The following ARSB variants were observed in gnomAD, a reference collection of about 807,000 sequenced individuals.
ARSB encodes N-acetylgalactosamine-4-sulfatase.
A neutral mutation model predicts 50.9 loss-of-function variants in ARSB; 41 were observed. That is an observed-to-expected ratio of 0.81 (90% CI 0.63 to 1.04). The LOEUF is 1.04. Ranked by LOEUF, ARSB falls within the 50% of genes least tolerant of loss-of-function variation. The pLI is 0.00. For missense variants in ARSB, 672 were observed against 693.3 expected, an observed-to-expected ratio of 0.97 and a Z score of 0.35; for synonymous variants, 269 against 284.8, an observed-to-expected ratio of 0.94 and a Z score of 0.56.
At chr5:78,981,455 G>C (rs1421530720) in intron 1 of ARSB, among the ~76,000 whole-genome samples, 1 of 152,216 alleles carries the variant, frequency 6.6e-6, no homozygotes, top group Non-Finnish European at 1.5e-5. Flanking sequence ...AGAACAAGTA[G>C]TACACGCAAT....
chr5:78,961,760 G>A (rs567085811), intron 3 of ARSB, among the ~76,000 whole-genome samples: 1 of 152,014 alleles, frequency 6.6e-6, no homozygotes, highest in East Asian at 1.9e-4. Context: ...ATAGGTAGCT[G>A]GCTTCTGCTT....
intron 4 of ARSB, among the ~76,000 whole-genome samples, chr5:78,940,066 T>C (rs1288435122): frequency 6.6e-6 from 1 of 152,268 alleles, no homozygotes; most frequent in East Asian, 1.9e-4. Flanking sequence ...GTCTTTTGGC[T>C]GCATAAATGT....
At chr5:78,966,683 C>G (rs1752217834) in intron 2 of ARSB, among the ~76,000 whole-genome samples, 2 of 152,132 alleles carry the variant, frequency 1.3e-5, no homozygotes, top group South Asian at 4.1e-4. Flanking sequence ...TCATTTCTAC[C>G]TTCTGTCCAG....
chr5:78,854,109 C>T (rs1028807946), intron 5 of ARSB, among the ~76,000 whole-genome samples: 2 of 152,244 alleles, frequency 1.3e-5, no homozygotes, highest in South Asian at 2.1e-4. Flanking sequence ...GAGATGAATC[C>T]GGTACCTCAG....
At chr5:78,873,774 C>T (rs540198046) in intron 5 of ARSB, among the ~76,000 whole-genome samples, 27 of 152,118 alleles carry the variant, frequency 1.8e-4, no homozygotes, top group Non-Finnish European at 2.8e-4. Context: ...GGATTACAGG[C>T]GTGAGCCACC....
At chr5:78,855,468 T>C (rs1284859223) in intron 5 of ARSB, among the ~76,000 whole-genome samples, 3 of 152,122 alleles carry the variant, frequency 2.0e-5, no homozygotes, top group Non-Finnish European at 1.5e-5. Flanking sequence ...CACAAAACAG[T>C]TGCTCGACTT....
chr5:78,954,888 T>C (rs1419901229), intron 4 of ARSB, among the ~76,000 whole-genome samples: 8 of 152,232 alleles, frequency 5.3e-5, no homozygotes, highest in South Asian at 2.1e-4. Context: ...GTCTTCATAA[T>C]GTCACAATCT....
chr5:78,929,513 C>G (rs1327158995), intron 4 of ARSB, among the ~76,000 whole-genome samples: 1 of 151,996 alleles, frequency 6.6e-6, no homozygotes, highest in Non-Finnish European at 1.5e-5. Flanking sequence ...GAGACTGGCC[C>G]GGCGCAGTGG....
At chr5:78,984,899 G>C in intron 1 of ARSB, 38 bp downstream of exon 1, 3 of 1,277,360 alleles carry the variant, frequency 2.3e-6, no homozygotes, top group Non-Finnish European at 3.0e-6. Flanking sequence ...GGCGAAAGGC[G>C]GGGCGGGGGC....
At chr5:78,961,820 C>T (rs1751997416) in intron 3 of ARSB, among the ~76,000 whole-genome samples, 2 of 152,098 alleles carry the variant, frequency 1.3e-5, no homozygotes, top group Admixed American at 6.5e-5. Flanking sequence ...CCGAGAATGG[C>T]TGTCACTGCA....
At chr5:78,826,805 A>G (rs1744450206) in intron 6 of ARSB, among the ~76,000 whole-genome samples, 2 of 152,218 alleles carry the variant, frequency 1.3e-5, no homozygotes, top group African/African-American at 2.4e-5. Context: ...CCCCAAAATA[A>G]GTGAGAGAGA....
At chr5:78,916,680 A>G (rs1749559754) in intron 4 of ARSB, among the ~76,000 whole-genome samples, 1 of 152,194 alleles carries the variant, frequency 6.6e-6, no homozygotes, top group African/African-American at 2.4e-5. Context: ...ATCATTTATC[A>G]TGTCCTAAAA....
At chr5:78,838,210 C>T (rs1382021502) in intron 6 of ARSB, among the ~76,000 whole-genome samples, 1 of 152,154 alleles carries the variant, frequency 6.6e-6, no homozygotes, top group Non-Finnish European at 1.5e-5. Context: ...AGTGACTGCT[C>T]CTTCTGGGGC....
At chr5:78,838,879 C>T (rs757900155) in intron 6 of ARSB, among the ~76,000 whole-genome samples, 4 of 152,216 alleles carry the variant, frequency 2.6e-5, no homozygotes, top group African/African-American at 4.8e-5. Flanking sequence ...GAAAGTCACA[C>T]TTGTGACACC....
intron 5 of ARSB, among the ~76,000 whole-genome samples, chr5:78,847,049 T>C (rs1230245007): frequency 6.6e-6 from 1 of 152,212 alleles, no homozygotes; most frequent in African/African-American, 2.4e-5. Flanking sequence ...TAATGTGTCA[T>C]GTTTATGGAT....
At chr5:78,869,185 G>C (rs1273323396) in intron 5 of ARSB, among the ~76,000 whole-genome samples, 3 of 126,220 alleles carry the variant, frequency 2.4e-5, no homozygotes, top group Admixed American at 7.9e-5. Flanking sequence ...GACCTACAAA[G>C]AGACTTAGAC....
intron 4 of ARSB, among the ~76,000 whole-genome samples, chr5:78,939,815 T>C (rs1440750936): frequency 6.6e-6 from 1 of 152,146 alleles, no homozygotes; most frequent in East Asian, 1.9e-4. Context: ...GATGGCTGGG[T>C]CAAATGGTAT....
intron 4 of ARSB, among the ~76,000 whole-genome samples, chr5:78,931,181 G>C (rs965033454): frequency 9.8e-5 from 15 of 152,286 alleles, no homozygotes; most frequent in African/African-American, 3.4e-4. Context: ...CCCCACACAA[G>C]GAGAGTAAAA....
chr5:78,804,009 C>T (rs1238120963), intron 6 of ARSB, among the ~76,000 whole-genome samples: 1 of 152,216 alleles, frequency 6.6e-6, no homozygotes, highest in Non-Finnish European at 1.5e-5. Flanking sequence ...CCAGACAGGG[C>T]CCCTGGCAGT....
Sources: allele counts gnomAD v4.1 joint callset (sites outside exome capture counted in the v4.1 genomes callset), GRCh38; gene constraint gnomAD v4.1.1; transcripts MANE v1.5; gene names NCBI Gene and HGNC (gene_info 2026-07-23, HGNC 2026-07-21).